Variants in POM121 observed in about 807,000 individuals in gnomAD.
POM121 encodes the protein POM121 transmembrane nucleoporin.
POM121 carries 32 observed loss-of-function variants against 81.3 expected under a neutral mutation model. The ratio of observed to expected loss-of-function variants is 0.39; its 90% CI spans 0.30 to 0.53. The LOEUF is 0.53. Among genes scored for constraint, POM121 ranks in the 20% least tolerant of loss-of-function variants. The pLI is 0.66. For missense variants in POM121, 1,138 were observed against 1,614.6 expected, an observed-to-expected ratio of 0.70 and a Z score of 5.06; for synonymous variants, 514 against 694.2, an observed-to-expected ratio of 0.74 and a Z score of 4.08.
rs182888856 is a variant in POM121, at chr7:72,926,443, G to C, written c.826G>C (p.Ala276Pro). 1.2e-6 allele frequency: 2 copies of C among 1,613,818 alleles called. No individual in the cohort carries two copies. The highest frequency in any genetic ancestry group is 3.3e-5 in the Admixed American group (2 of 59,994). ...MVCSPVTVRI[A>P]PPDRRFSRSA... ...GTGTAGCCCAGTGACTGTGAGGATC[G>C]CCCCTCCTGACAGAAGATTTTCGCG... is the stretch of plus-strand genomic sequence containing the variant. The change falls in exon 2 of 13, where the codon GCC becomes CCC. Residue 276 changes from alanine to proline, a missense_variant. This residue lies in a region of POM121 where 646 missense variants were observed against 633.5 expected (regional missense o/e 1.02). Coordinates refer to ENST00000434423, the MANE Select transcript of POM121 (RefSeq NM_001387691.1).
chr7:72,886,656 T>C (rs1486781733), intron 1 of POM121, among the ~76,000 whole-genome samples: 1 of 152,138 alleles, frequency 6.6e-6, no homozygotes, highest in African/African-American at 2.4e-5. Flanking sequence ...AATGTCTTCA[T>C]TGTGTCTTTG....
downstream of POM121, chr7:72,949,085 G>T (rs372678117): frequency 1.4e-5 from 22 of 1,612,678 alleles, no homozygotes; most frequent in African/African-American, 2.5e-4. Flanking sequence ...GGCTCCTCCA[G>T]CTGTCTGCTC....
intron 4 of POM121, among the ~76,000 whole-genome samples, chr7:72,915,949 C>T (rs1419238485): frequency 1.3e-5 from 2 of 152,228 alleles, no homozygotes; most frequent in Admixed American, 6.5e-5. Flanking sequence ...GGATTACAGG[C>T]GTGAGCCACC....
chr7:72,948,700 G>C, downstream of POM121: 1 of 1,588,704 alleles, frequency 6.3e-7, no homozygotes, highest in Non-Finnish European at 8.6e-7. Context: ...TTACAGCAAC[G>C]AAGAAGCCAC....
chr7:72,898,940 TTTTA>T (rs1439108353), intron 3 of POM121, among the ~76,000 whole-genome samples: 12 of 151,244 alleles, frequency 7.9e-5, no homozygotes, highest in Non-Finnish European at 1.5e-5. Context: ...AGAGGCTCTG[TTTTA>T]TTTTGTGTTT....
At chr7:72,906,167 G>A (rs1249405406) in intron 3 of POM121, among the ~76,000 whole-genome samples, 2 of 152,148 alleles carry the variant, frequency 1.3e-5, no homozygotes, top group African/African-American at 4.8e-5. Flanking sequence ...CTTAAATAGG[G>A]GGCTTTAAAT....
Position 72,930,029 on chromosome 7 carries a change from C to G in POM121, c.1193C>G (p.Thr398Arg), listed in dbSNP as rs1412318874. The change falls in exon 5 of 13, where the codon ACA (threonine) becomes AGA (arginine). Residue 398 changes from threonine to arginine, a missense_variant. Thr to Arg is a moderately conservative substitution (Grantham distance 71). This residue lies in a region of POM121 where 646 missense variants were observed against 633.5 expected (regional missense o/e 1.02). Transcript: ENST00000434423. ...CGAAGCTCTTCCATGAGCTCCTTGA[C>G]AGGCGCTTACGCAAGTGGCATCCCT... ...RSRSSSMSSL[T>R]GAYASGIPSS... is the part of the protein sequence containing the mutation. The G allele has an allele frequency of 2.5e-6, 4 of 1,613,894 alleles. No homozygotes were observed. The highest frequency in any genetic ancestry group is 3.4e-6 in the Non-Finnish European group (4 of 1,179,874).
intron 1 of POM121, among the ~76,000 whole-genome samples, chr7:72,886,153 GTATTTATTTATT>G (rs201459871): frequency 2.3e-4 from 32 of 140,146 alleles, no homozygotes; most frequent in African/African-American, 3.4e-4. Context: ...TAATTAAACA[GTATTTATTTATT>G]TATTTATTTA....
chr7:72,888,496 C>T (rs1790957118), intron 1 of POM121, among the ~76,000 whole-genome samples: 1 of 152,224 alleles, frequency 6.6e-6, no homozygotes, highest in South Asian at 2.1e-4. Flanking sequence ...AGGCGTGAGC[C>T]ACTGTGCCCA....
intron 3 of POM121, among the ~76,000 whole-genome samples, chr7:72,908,665 C>T (rs1183392513): frequency 3.9e-5 from 6 of 152,118 alleles, no homozygotes; most frequent in African/African-American, 9.7e-5. Flanking sequence ...GTTCCCAGAG[C>T]GGCCATTTTA....
At chr7:72,928,267 T>A in intron 3 of POM121, 118 bp from the exon 4 acceptor site, 1 of 1,365,144 alleles carries the variant, frequency 7.3e-7, no homozygotes, top group Non-Finnish European at 1.0e-6. Flanking sequence ...CATTTTCTGG[T>A]CTATCATGGA....
At chr7:72,913,166 G>C (rs1437911093) in intron 3 of POM121, among the ~76,000 whole-genome samples, 1 of 152,210 alleles carries the variant, frequency 6.6e-6, no homozygotes, top group Non-Finnish European at 1.5e-5. Flanking sequence ...TAAAATGGGA[G>C]AAAATCAGCT....
chr7:72,917,548 C>A (rs782172426), intron 4 of POM121, among the ~76,000 whole-genome samples: 1 of 152,124 alleles, frequency 6.6e-6, no homozygotes, highest in Non-Finnish European at 1.5e-5. Context: ...CTTTCCTTCT[C>A]GGATTTAGGA....
rs1797187576 is a variant in POM121 at position 72,942,503 on chromosome 7, GC to G, written c.2511del (p.Phe838LeufsTer3). 8.9e-7 allele frequency: 1 copy of G among 1,122,674 alleles called. No homozygotes were observed. Among genetic ancestry groups the G allele is most frequent in the African/African-American group, 2.3e-5 (1 of 43,100 alleles). 69.5% of individuals were successfully genotyped at this position (1,122,674 alleles called of 1,614,324 possible). A position where few individuals can be genotyped will look rare whatever the true frequency, so the allele number is the denominator to read the frequency against. ...GACTCTGCTTCGAAGCCTGCGTTTG[GC>G]TTTGGCATAAACAGTGTGAGCAGCA... ...STDSASKPAF[G>X]FGINSVSSSS... On this transcript the variant is annotated frameshift_variant, in exon 11 of 13. Transcript: ENST00000434423. LOFTEE classifies it high-confidence loss of function.
chr7:72,902,070 C>T (rs1396895659), intron 3 of POM121, among the ~76,000 whole-genome samples: 5 of 151,574 alleles, frequency 3.3e-5, no homozygotes, highest in African/African-American at 9.7e-5. Context: ...CGAGATCGCG[C>T]CATTGCACTC....
At chr7:72,928,282 G>A in intron 3 of POM121, 103 bp from the exon 4 acceptor site, 1 of 1,462,066 alleles carries the variant, frequency 6.8e-7, no homozygotes, top group East Asian at 2.3e-5. Context: ...CATGGAATCT[G>A]TGCTCCATAG....
At chr7:72,934,809 G>A (rs1796358646) in intron 5 of POM121, among the ~76,000 whole-genome samples, 2 of 152,108 alleles carry the variant, frequency 1.3e-5, no homozygotes, top group South Asian at 2.1e-4. Flanking sequence ...CTGCAGCACC[G>A]TCTTTGTCTA....
intron 6 of POM121, among the ~76,000 whole-genome samples, 154 bp downstream of exon 6, chr7:72,938,835 C>T (rs782470820): frequency 2.0e-5 from 3 of 152,212 alleles, no homozygotes; most frequent in African/African-American, 7.2e-5. Flanking sequence ...AGTACCCACC[C>T]GAAGTGCTGT....
At position 72,930,063 on chromosome 7, in the gene POM121, C is replaced by G; in HGVS notation, c.1227C>G (p.Ser409Arg). The change falls in exon 5 of 13, where the codon AGC becomes AGG. Residue 409 changes from serine (S) to arginine (R), a missense_variant. By Grantham distance (110) the Ser-to-Arg change is moderately radical (BLOSUM62 -1). Around this residue, in one of 7 missense-constraint regions of POM121, gnomAD observed 646 missense variants for 633.5 expected, o/e 1.02. Coordinates refer to ENST00000434423, the MANE Select transcript of POM121 (RefSeq NM_001387691.1). ...GAYASGIPSS[S>R]RNAITSSYSS... is the part of the protein sequence containing the mutation. ...ACGCAAGTGGCATCCCTAGCTCCAG[C>G]CGCAATGCCATTACCAGTTCCTACA... is the stretch of plus-strand genomic sequence containing the variant. The G allele has an allele frequency of 6.2e-7, 1 of 1,613,982 alleles. No homozygotes were observed. The highest frequency in any genetic ancestry group is 8.5e-7 in the Non-Finnish European group (1 of 1,179,852).
Sources: allele counts gnomAD v4.1 joint callset (sites outside exome capture counted in the v4.1 genomes callset), GRCh38; gene constraint gnomAD v4.1.1; regional missense constraint gnomAD v4.1.1; transcripts MANE v1.5; gene names NCBI Gene and HGNC (gene_info 2026-07-23, HGNC 2026-07-21).